DENND4C: variants seen among roughly 807,000 people sequenced by gnomAD.
DENND4C encodes DENN domain containing 4C, also known as DENN domain-containing protein 4C.
A neutral mutation model predicts 203.0 loss-of-function variants in DENND4C; 108 were observed. That is an observed-to-expected ratio of 0.53 (90% CI 0.46 to 0.62). The LOEUF is 0.62. DENND4C is among the 20% of genes least tolerant of loss of function. The pLI is 0.00. For missense variants in DENND4C, 2,481 were observed against 2,301.2 expected (o/e 1.08, Z -1.60); for synonymous variants, 871 against 792.4 (o/e 1.10, Z -1.67).
At chr9:19,245,834 C>T (rs1258145354) in intron 1 of DENND4C, among the ~76,000 whole-genome samples, 3 of 144,898 alleles carry the variant, frequency 2.1e-5, no homozygotes, top group Admixed American at 7.1e-5. Context: ...CCAGCCTGGA[C>T]GACAGAGCGA....
intron 30 of DENND4C, 141 bp downstream of exon 30, chr9:19,362,104 T>C (rs1189237619): frequency 6.9e-5 from 36 of 524,234 alleles, no homozygotes; most frequent in Non-Finnish European, 1.2e-4. Context: ...TGAAATCCTG[T>C]CTCTATTAAA....
intron 5 of DENND4C, 51 bp from the exon 6 acceptor site, chr9:19,295,957 A>C: frequency 1.5e-6 from 2 of 1,352,212 alleles, no homozygotes; most frequent in Non-Finnish European, 2.1e-6. Context: ...AAGAGAAGTT[A>C]ATTTTTTCAA....
At chr9:19,336,970 C>T (rs556763834) in intron 20 of DENND4C, 138 bp downstream of exon 20, 10 of 835,948 alleles carry the variant, frequency 1.2e-5, no homozygotes, top group East Asian at 8.1e-5. Context: ...AGAAACAATA[C>T]GAGTCTGCAG....
Position 19,373,040 on chromosome 9 carries a change from A to G in DENND4C, c.*867A>G, listed in dbSNP as rs1829105981. ...GACTATTAAATAAATGACTACTACT[A>G]AACTTGTCTGTAGTCATTAATCTTA... On this transcript the variant is annotated 3_prime_UTR_variant, in exon 33 of 33. Transcript: ENST00000434457. 2.0e-5 allele frequency: 3 copies of G among 152,184 alleles called. No homozygotes were observed. Among genetic ancestry groups the G allele is most frequent in the Admixed American group, 1.3e-4 (2 of 15,284 alleles). 9.4% of individuals were successfully genotyped at this position (152,184 alleles called of 1,614,324 possible). A position where few individuals can be genotyped will look rare whatever the true frequency, so the allele number is the denominator to read the frequency against.
In DENND4C at chr9:19,240,707, C is replaced by T. The variant is rs546371651; in HGVS notation, c.-18+9874C>T. Among the ~76,000 whole-genome samples, 27 of 149,258 alleles carry T rather than the reference C, an allele frequency of 1.8e-4. 1 individual carries two copies. Among genetic ancestry groups the T allele is most frequent in the African/African-American group, 6.7e-4 (27 of 40,546 alleles). On this transcript the variant is annotated intron_variant, in intron 1 of 32. Transcript: ENST00000434457. The stretch of plus-strand genomic sequence containing the variant: ...AAAGGCCAGGCATGGTTGCTCACAC[C>T]TGTAATCCCAGCACTTTGGGAGGCT...
intron 1 of DENND4C, among the ~76,000 whole-genome samples, chr9:19,233,561 CTTTTT>C (rs11438629): frequency 7.6e-6 from 1 of 131,308 alleles, no homozygotes; most frequent in African/African-American, 2.8e-5. Context: ...TATTTGAAAC[CTTTTT>C]TTTTTTTTTT....
intron 30 of DENND4C, among the ~76,000 whole-genome samples, chr9:19,369,348 C>T (rs1828316063): frequency 6.6e-6 from 1 of 152,050 alleles, no homozygotes; most frequent in Admixed American, 6.5e-5. Context: ...GACAGGTCTG[C>T]CTGTTTGAAG....
chr9:19,361,505 C>G (rs1347381659), intron 29 of DENND4C, among the ~76,000 whole-genome samples: 6 of 152,128 alleles, frequency 3.9e-5, no homozygotes, highest in Non-Finnish European at 5.9e-5. Flanking sequence ...ACTATAAACT[C>G]TAGTTTGATT....
chr9:19,302,240 C>G (rs2131336540), intron 9 of DENND4C, among the ~76,000 whole-genome samples: 1 of 152,238 alleles, frequency 6.6e-6, no homozygotes, highest in East Asian at 1.9e-4. Context: ...AAAACAAATG[C>G]ATCAAAAGGA....
intron 30 of DENND4C, among the ~76,000 whole-genome samples, chr9:19,362,306 CAT>C (rs937295270): frequency 2.0e-5 from 3 of 151,886 alleles, no homozygotes; most frequent in African/African-American, 7.3e-5. Flanking sequence ...GAGTTAAAGA[CAT>C]AAAAGACTCA....
chr9:19,357,135 G>A lies in DENND4C; in HGVS notation c.4945G>A (p.Gly1649Ser). The A allele has an allele frequency of 6.2e-7, 1 of 1,613,816 alleles. No individual in the cohort carries two copies. The highest frequency in any genetic ancestry group is 2.2e-5 in the East Asian group (1 of 44,834). ...TAACCAGATCATAACTGAAGAAACA[G>A]GCTCTGCAGTTGAACCAAGGTATCA... ...KHNQIITEET[G>S]SAVEPSDEIK... The change falls in exon 27 of 33, where the codon GGC becomes AGC. Residue 1649 changes from glycine (G) to serine (S), a missense_variant. By Grantham distance (56) the Gly-to-Ser change is moderately conservative. Around this residue, in one of 3 missense-constraint regions of DENND4C, gnomAD observed 2,289 missense variants for 2,113.3 expected, o/e 1.08. Transcript: ENST00000434457.
intron 1 of DENND4C, among the ~76,000 whole-genome samples, chr9:19,266,715 A>G (rs1294415491): frequency 6.6e-6 from 1 of 152,238 alleles, no homozygotes; most frequent in Non-Finnish European, 1.5e-5. Context: ...TGACAAAAAC[A>G]AAAAATGGGG....
intron 1 of DENND4C, among the ~76,000 whole-genome samples, chr9:19,259,996 A>G (rs1164985865): frequency 1.3e-5 from 2 of 152,008 alleles, no homozygotes; most frequent in Non-Finnish European, 2.9e-5. Flanking sequence ...GGATTGCTGG[A>G]TTGTATGATA....
At chr9:19,278,924 A>G (rs527399656) in intron 2 of DENND4C, among the ~76,000 whole-genome samples, 7 of 152,070 alleles carry the variant, frequency 4.6e-5, no homozygotes, top group East Asian at 3.9e-4. Flanking sequence ...GGGCCTAACT[A>G]TTCAAATTGT....
chr9:19,250,423 C>T (rs560595022), intron 1 of DENND4C, among the ~76,000 whole-genome samples: 31 of 152,140 alleles, frequency 2.0e-4, no homozygotes, highest in African/African-American at 6.7e-4. Flanking sequence ...AATGGGGTTT[C>T]GCCACGTTGA....
At chr9:19,336,593 T>C in intron 19 of DENND4C, 93 bp from the exon 20 acceptor site, 1 of 1,449,228 alleles carries the variant, frequency 6.9e-7, no homozygotes, top group South Asian at 1.5e-5. Context: ...TAGAAAGTGT[T>C]CTGCAACTAT....
chr9:19,336,723 G>C lies in DENND4C; in HGVS notation c.2772G>C (p.Thr924=). 6.4e-7 allele frequency: 1 copy of C among 1,551,040 alleles called. No individual in the cohort carries two copies. The highest frequency in any genetic ancestry group is 8.7e-7 in the Non-Finnish European group (1 of 1,147,090). The change falls in exon 20 of 33, where the codon ACG becomes ACC. Residue 924 remains threonine (T), a synonymous_variant. Coordinates refer to ENST00000434457, the MANE Select transcript of DENND4C (RefSeq NM_001330640.2). ...QNVTGGSDGD[T]VSHGSVDSSN... is the part of the protein sequence containing the mutation. Reference sequence around the variant, plus strand: ...TCACAGGTGGAAGTGATGGGGACACGGTGAGCCACGGTAGTGTGGATAGTT... The same window carrying C: ...TCACAGGTGGAAGTGATGGGGACACCGTGAGCCACGGTAGTGTGGATAGTT...
At chr9:19,333,435 A>G (rs1472604904) in intron 17 of DENND4C, among the ~76,000 whole-genome samples, 4 of 152,086 alleles carry the variant, frequency 2.6e-5, no homozygotes, top group East Asian at 3.8e-4. Flanking sequence ...TGTCTTGTAC[A>G]TTGTGTAGGA....
chr9:19,287,937 G>A (rs965680809), intron 3 of DENND4C, among the ~76,000 whole-genome samples: 1 of 151,942 alleles, frequency 6.6e-6, no homozygotes, highest in African/African-American at 2.4e-5. Context: ...TCACCATGTT[G>A]GTTGGCCAGG....
Sources: allele counts gnomAD v4.1 joint callset (sites outside exome capture counted in the v4.1 genomes callset), GRCh38; gene constraint gnomAD v4.1.1; regional missense constraint gnomAD v4.1.1; transcripts MANE v1.5; gene names NCBI Gene and HGNC (gene_info 2026-07-23, HGNC 2026-07-21).